The following EPC1 variants were observed in gnomAD, a reference collection of about 807,000 sequenced individuals.
EPC1 encodes enhancer of polycomb 1, also known as enhancer of polycomb homolog 1.
EPC1 carries 12 observed loss-of-function variants against 98.4 expected under a neutral mutation model. That is an observed-to-expected ratio of 0.12 (90% CI 0.08 to 0.20). EPC1 has a LOEUF of 0.20. EPC1 is among the 10% of genes least tolerant of loss of function. The pLI, the probability that EPC1 is intolerant of heterozygous loss-of-function variation, is 1.00. For missense variants in EPC1, 729 were observed against 990.5 expected, an observed-to-expected ratio of 0.74 and a Z score of 3.54; for synonymous variants, 357 against 363.9, an observed-to-expected ratio of 0.98 and a Z score of 0.21.
chr10:32,317,782 T>C (rs35185739), intron 1 of EPC1, among the ~76,000 whole-genome samples: 16,252 of 152,296 alleles, frequency 0.11, 953 homozygotes, highest in Admixed American at 0.13. Context: ...AAATAAATGA[T>C]ACAAGGTTAT....
intron 1 of EPC1, among the ~76,000 whole-genome samples, chr10:32,344,406 GGC>G (rs1838608208): frequency 6.6e-6 from 1 of 151,140 alleles, no homozygotes; most frequent in East Asian, 1.9e-4. Context: ...ATTTGGAAAA[GGC>G]AATCTGAAGA....
Position 32,286,953 on chromosome 10 carries a change from A to G in EPC1, c.1215T>C (p.Arg405=). Residue 405 remains arginine (R), a synonymous_variant, in exon 8 of 14, where the codon CGT becomes CGC. Transcript: ENST00000319778. ...CATAGTACTGACAGCCTGCTTTCCT[A>G]CGGAAAGCAAAAGGACCATCAGGAT... The part of the protein sequence containing the change: ...DNDPDGPFAF[R]RKAGCQYYAP... 4 of 1,613,498 alleles carry G rather than the reference A, an allele frequency of 2.5e-6. No individual in the cohort carries two copies. The highest frequency in any genetic ancestry group is 2.5e-6 in the Non-Finnish European group (3 of 1,179,688).
chr10:32,311,531 A>C (rs541262960), intron 1 of EPC1, among the ~76,000 whole-genome samples: 4 of 152,082 alleles, frequency 2.6e-5, no homozygotes, highest in African/African-American at 7.2e-5. Context: ...CTTAAAAAAA[A>C]AACAACAAAA....
intron 1 of EPC1, among the ~76,000 whole-genome samples, chr10:32,344,189 C>T (rs1056737008): frequency 6.6e-6 from 1 of 152,046 alleles, no homozygotes; most frequent in Non-Finnish European, 1.5e-5. Context: ...TTTAATATAC[C>T]TTTTCAACAC....
chr10:32,374,168 TTAAAA>T (rs1185674358), intron 1 of EPC1: 7 of 152,164 alleles, frequency 4.6e-5, no homozygotes, highest in African/African-American at 9.7e-5. Flanking sequence ...TTCTCATAAA[TTAAAA>T]TATGTTTTTA....
upstream of EPC1, chr10:32,347,233 A>AGCGCGGGCTCGAGGCCG: frequency 1.6e-6 from 2 of 1,215,370 alleles, no homozygotes; most frequent in Non-Finnish European, 1.0e-6. Flanking sequence ...GGGGGGAGGG[A>AGCGCGGGCTCGAGGCCG]GCGCGGGCTC....
At chr10:32,343,336 G>A (rs1460543631) in intron 1 of EPC1, among the ~76,000 whole-genome samples, 2 of 152,018 alleles carry the variant, frequency 1.3e-5, no homozygotes, top group African/African-American at 2.4e-5. Context: ...TCAGCCTCCC[G>A]AATAGCTGGG....
intron 1 of EPC1, among the ~76,000 whole-genome samples, chr10:32,313,448 A>T (rs777598087): frequency 2.6e-5 from 4 of 152,246 alleles, no homozygotes; most frequent in Non-Finnish European, 4.4e-5. Flanking sequence ...TAAATTGTAC[A>T]GTGTAATAAA....
At chr10:32,334,149 A>T (rs1837809089) in intron 1 of EPC1, among the ~76,000 whole-genome samples, 1 of 152,218 alleles carries the variant, frequency 6.6e-6, no homozygotes, top group Non-Finnish European at 1.5e-5. Flanking sequence ...GGCTGATTGG[A>T]TTTCAGAATT....
At chr10:32,367,422 A>C (rs1839632908) in intron 1 of EPC1, among the ~76,000 whole-genome samples, 1 of 152,248 alleles carries the variant, frequency 6.6e-6, no homozygotes, top group African/African-American at 2.4e-5. Context: ...AATCTGATTA[A>C]ATGTAATGTA....
intron 1 of EPC1, among the ~76,000 whole-genome samples, chr10:32,373,079 G>C (rs1036924655): frequency 6.6e-6 from 1 of 152,168 alleles, no homozygotes; most frequent in African/African-American, 2.4e-5. Flanking sequence ...AATATCTCAT[G>C]TGATAGTAAA....
chr10:32,295,543 C>T (rs1010945444), intron 2 of EPC1, among the ~76,000 whole-genome samples: 2 of 152,046 alleles, frequency 1.3e-5, no homozygotes, highest in Non-Finnish European at 2.9e-5. Flanking sequence ...ATGGGCCCTC[C>T]AATGATTTTC....
intron 6 of EPC1, among the ~76,000 whole-genome samples, chr10:32,288,316 T>TC (rs914107434): frequency 3.5e-5 from 4 of 115,260 alleles, no homozygotes; most frequent in African/African-American, 1.2e-4. Context: ...TTTTTTCTTT[T>TC]TTTTTTTTTT....
chr10:32,343,641 T>A (rs181065648), intron 1 of EPC1, among the ~76,000 whole-genome samples: 90 of 145,292 alleles, frequency 6.2e-4, no homozygotes, highest in Non-Finnish European at 1.0e-3. Context: ...TCAGTACTAC[T>A]ACAATTAAAA....
In EPC1 at chr10:32,284,703, T is replaced by C. The variant is rs750548890; in HGVS notation, c.1739A>G (p.His580Arg). ...ATCATTAACAGTCAACATACCAAAG[T>C]GTGCTGAACCACTGCTACTTTTACT... ...TQSKSSSGSAHFAFTAEQYQQ... is the reference protein window; with the variant it reads ...TQSKSSSGSARFAFTAEQYQQ... The change falls in exon 10 of 14, where the codon CAC (histidine) becomes CGC (arginine). Residue 580 changes from histidine to arginine, a missense_variant. His to Arg is a conservative substitution (Grantham distance 29). Around this residue, in one of 6 missense-constraint regions of EPC1, gnomAD observed 390 missense variants for 438.6 expected, o/e 0.89. Coordinates refer to ENST00000319778, the MANE Select transcript of EPC1 (RefSeq NM_001272004.3). 1 of 1,608,032 alleles carries C rather than the reference T, an allele frequency of 6.2e-7. No homozygotes were observed. The highest frequency in any genetic ancestry group is 8.5e-7 in the Non-Finnish European group (1 of 1,175,830).
At chr10:32,341,734 C>T (rs1838370097) in intron 1 of EPC1, among the ~76,000 whole-genome samples, 1 of 152,238 alleles carries the variant, frequency 6.6e-6, no homozygotes, top group Non-Finnish European at 1.5e-5. Flanking sequence ...TCCTTAGTCT[C>T]TTCCTGGACT....
rs201955143 is a variant in EPC1, at chr10:32,299,914, A to AG, written c.313+5857dup. ...CTGATTTATGATAATTGCAAAAATG[A>AG]GTTTTTTTTTTTATTTTGAGACGGA... On this transcript the variant is annotated intron_variant, in intron 2 of 13. Coordinates refer to ENST00000319778, the MANE Select transcript of EPC1 (RefSeq NM_001272004.3). Among the ~76,000 whole-genome samples the AG allele has an allele frequency of 5.4e-3, 821 of 150,758 alleles. 2 individuals are homozygous for AG. Among genetic ancestry groups the AG allele is most frequent in the Non-Finnish European group, 8.1e-3 (549 of 67,490 alleles).
At chr10:32,288,774 G>C (rs550789804) in intron 6 of EPC1, among the ~76,000 whole-genome samples, 1 of 152,094 alleles carries the variant, frequency 6.6e-6, no homozygotes, top group African/African-American at 2.4e-5. Context: ...AGGGCTCAGA[G>C]GGGGGGACCA....
chr10:32,276,028 T>A (rs1486321789), intron 10 of EPC1, among the ~76,000 whole-genome samples: 3 of 152,090 alleles, frequency 2.0e-5, no homozygotes, highest in Non-Finnish European at 4.4e-5. Flanking sequence ...AGTTATGAAA[T>A]TTTTCCTGGA....
Sources: gnomAD v4.1 joint callset for allele counts (sites outside exome capture counted in the v4.1 genomes callset) on GRCh38, gnomAD v4.1.1 for gene constraint, gnomAD v4.1.1 regional missense constraint, MANE v1.5 for transcripts, NCBI Gene and HGNC (gene_info 2026-07-23, HGNC 2026-07-21) for gene names.